SRRM1: variants seen among roughly 807,000 people sequenced by gnomAD.
The protein encoded by SRRM1 is serine/arginine repetitive matrix protein 1.
A neutral mutation model predicts 110.2 loss-of-function variants in SRRM1; 19 were observed. The ratio of observed to expected loss-of-function variants is 0.17; its 90% CI spans 0.12 to 0.25. SRRM1 has a LOEUF of 0.25. Among genes scored for constraint, SRRM1 ranks in the 10% least tolerant of loss-of-function variants. The pLI is 1.00. For missense variants in SRRM1, 918 were observed against 1,145.8 expected (o/e 0.80, Z 2.87); for synonymous variants, 443 against 414.9 (o/e 1.07, Z -0.82).
At chr1:24,645,487 C>T (rs991694004) in intron 1 of SRRM1, among the ~76,000 whole-genome samples, 1 of 152,244 alleles carries the variant, frequency 6.6e-6, no homozygotes, top group African/African-American at 2.4e-5. Context: ...GTCTTCTTCA[C>T]TCATTCCAAG....
intron 9 of SRRM1, among the ~76,000 whole-genome samples, chr1:24,658,417 A>G (rs1343017944): frequency 6.6e-6 from 1 of 152,226 alleles, no homozygotes; most frequent in African/African-American, 2.4e-5. Context: ...CTGAGTAATT[A>G]GTGAGAAATT....
chr1:24,667,059 A>C, intron 13 of SRRM1, 134 bp downstream of exon 13: 1 of 596,726 alleles, frequency 1.7e-6, no homozygotes, highest in Non-Finnish European at 3.0e-6. Flanking sequence ...TGAAAACCCA[A>C]TCATCATGCT....
At chr1:24,670,637 A>C (rs1255984183) in intron 15 of SRRM1, among the ~76,000 whole-genome samples, 1 of 152,172 alleles carries the variant, frequency 6.6e-6, no homozygotes, top group Non-Finnish European at 1.5e-5. Flanking sequence ...GATTATAGGC[A>C]CATGCTGCTA....
At position 24,670,296 on chromosome 1, in the gene SRRM1, C is replaced by A. The variant is rs201182764; in HGVS notation, c.2381C>A (p.Pro794Gln). ...GTCAAAAAGGCCAAAAGCCCAACAC[C>A]GAGCCCATCACCGCCAAGAGTATGT... ...VPVKKAKSPT[P>Q]SPSPPRNSDQ... Residue 794 changes from proline (P) to glutamine (Q), a missense_variant, in exon 15 of 17, where the codon CCG (proline) becomes CAG (glutamine). This residue lies in a region of SRRM1 where 357 missense variants were observed against 402.9 expected (regional missense o/e 0.89). Transcript: ENST00000323848. The A allele has an allele frequency of 1.4e-5, 22 of 1,612,386 alleles. No homozygotes were observed. Among genetic ancestry groups the A allele is most frequent in the Admixed American group, 5.0e-5 (3 of 59,538 alleles).
chr1:24,646,293 C>T (rs975377817), intron 2 of SRRM1, among the ~76,000 whole-genome samples: 10 of 152,060 alleles, frequency 6.6e-5, no homozygotes, highest in Admixed American at 2.0e-4. Context: ...TTTGGGAGGC[C>T]GAGGCGGGCA....
intron 1 of SRRM1, among the ~76,000 whole-genome samples, chr1:24,645,150 G>A (rs1007292034): frequency 6.6e-6 from 1 of 152,146 alleles, no homozygotes; most frequent in East Asian, 1.9e-4. Flanking sequence ...TGCAGAGTAG[G>A]TTTCTATACC....
intron 12 of SRRM1, chr1:24,663,234 A>G (rs1338492340): frequency 4.0e-6 from 6 of 1,499,646 alleles, no homozygotes; most frequent in Non-Finnish European, 5.4e-6. Flanking sequence ...GGTTGGTTAG[A>G]CACTACTTTG....
rs776648794 is a variant in SRRM1 at position 24,669,311 on chromosome 1, A to G, written c.1928A>G (p.Gln643Arg). The G allele has an allele frequency of 3.1e-6, 5 of 1,614,058 alleles. No homozygotes were observed. The highest frequency in any genetic ancestry group is 4.2e-6 in the Non-Finnish European group (5 of 1,180,006). ...GTCTCCCATTCTCCACCTCCCAAACAAAGAAGCTCCCCAGTCACCAAGAGA... is the reference window on the plus strand; with the variant it reads ...GTCTCCCATTCTCCACCTCCCAAACGAAGAAGCTCCCCAGTCACCAAGAGA... ...RRVSHSPPPK[Q>R]RSSPVTKRRS... Residue 643 changes from glutamine (Q) to arginine (R), a missense_variant, in exon 14 of 17, where the codon CAA becomes CGA. Transcript: ENST00000323848.
At chr1:24,654,257 T>C in intron 8 of SRRM1, 2 of 1,274,970 alleles carry the variant, frequency 1.6e-6, no homozygotes, top group Non-Finnish European at 2.0e-6. Flanking sequence ...TAAGATTCCC[T>C]TTCAGCCAGT....
At position 24,666,842 on chromosome 1, in the gene SRRM1, A is replaced by C. The variant is rs1437834308; in HGVS notation, c.1656A>C (p.Pro552=). 5 of 1,613,108 alleles carry C rather than the reference A, an allele frequency of 3.1e-6. No individual in the cohort carries two copies. Among genetic ancestry groups the C allele is most frequent in the Admixed American group, 3.3e-5 (2 of 59,810 alleles). The change falls in exon 13 of 17, where the codon CCA becomes CCC. Residue 552 remains proline (P), a synonymous_variant. Transcript: ENST00000323848. ...GTAGACGGAGGAGAAGTCCATCCCC[A>C]CCACCCACCAGAAGGCGACGGTCTC... ...PRGRRRRSPS[P]PPTRRRRSPS...
At chr1:24,654,758 G>A (rs764233905) in intron 8 of SRRM1, 97 bp from the exon 9 acceptor site, 44 of 1,435,632 alleles carry the variant, frequency 3.1e-5, no homozygotes, top group Middle Eastern at 1.8e-4. Flanking sequence ...CTCAAAAGTC[G>A]GATTAAAATA....
intron 9 of SRRM1, among the ~76,000 whole-genome samples, chr1:24,657,564 T>A (rs916413648): frequency 1.3e-5 from 2 of 152,208 alleles, no homozygotes; most frequent in Non-Finnish European, 2.9e-5. Context: ...TTTTCCCTAG[T>A]GGCCACTAAT....
At chr1:24,665,388 C>T (rs1669419437) in intron 12 of SRRM1, among the ~76,000 whole-genome samples, 2 of 150,888 alleles carry the variant, frequency 1.3e-5, no homozygotes, top group Non-Finnish European at 2.9e-5. Flanking sequence ...GATATCGTGC[C>T]ATTGCACTCC....
intron 5 of SRRM1, 47 bp from the exon 6 acceptor site, chr1:24,651,362 C>T (rs1158306765): frequency 3.3e-6 from 5 of 1,503,794 alleles, no homozygotes; most frequent in African/African-American, 1.4e-5. Context: ...CTCCTCTCTT[C>T]CAATCCATGT....
chr1:24,672,336 A>G lies in SRRM1; in HGVS notation c.*50A>G. 7.6e-7 allele frequency: 1 copy of G among 1,318,294 alleles called. No homozygotes were observed. Among genetic ancestry groups the G allele is most frequent in the Non-Finnish European group, 1.1e-6 (1 of 948,836 alleles). The allele number at this position is 1,318,294 out of a possible 1,614,324, so 81.7% of individuals were successfully genotyped here. On this transcript the variant is annotated 3_prime_UTR_variant, in exon 17 of 17. Transcript: ENST00000323848. ...ATTTTATTTGGTTTGTACGCAGTTC[A>G]ATTTCAAAATTGCTAAAATGTGTTT...
intron 9 of SRRM1, among the ~76,000 whole-genome samples, chr1:24,656,158 T>C (rs979531027): frequency 1.3e-5 from 2 of 152,164 alleles, no homozygotes; most frequent in Non-Finnish European, 2.9e-5. Context: ...TTAATGAGCT[T>C]GATGAGACCA....
chr1:24,669,265 T>C lies in SRRM1; in HGVS notation c.1882T>C (p.Ser628Pro), dbSNP rs550863017. 17 of 1,613,902 alleles carry C rather than the reference T, an allele frequency of 1.1e-5. No homozygotes were observed. The highest frequency in any genetic ancestry group is 3.3e-5 in the Admixed American group (2 of 59,986). Residue 628 changes from serine to proline, a missense_variant, in exon 14 of 17, where the codon TCT (serine) becomes CCT (proline). Transcript: ENST00000323848. ...CCCTCCTAAACGAAGAGCATCACCATCTCCACCACCAAAGCGGCGGGTCTC... is the reference window on the plus strand; with the variant it reads ...CCCTCCTAAACGAAGAGCATCACCACCTCCACCACCAAAGCGGCGGGTCTC... ...PPPPKRRASPSPPPKRRVSHS... is the reference protein window; with the variant it reads ...PPPPKRRASPPPPPKRRVSHS...
In SRRM1 at chr1:24,666,865, C is replaced by T. The variant is rs1670271068; in HGVS notation, c.1679C>T (p.Ser560Phe). The T allele has an allele frequency of 6.2e-7, 1 of 1,612,898 alleles. No homozygotes were observed. Among genetic ancestry groups the T allele is most frequent in the African/African-American group, 1.3e-5 (1 of 74,794 alleles). Residue 560 changes from serine (S) to phenylalanine (F), a missense_variant, in exon 13 of 17, where the codon TCT becomes TTT. By Grantham distance (155) the Ser-to-Phe change is radical. Transcript: ENST00000323848. ...CCACCACCCACCAGAAGGCGACGGT[C>T]TCCTTCTCCCGCCCCTCCTCCTCGA... ...PSPPPTRRRR[S>F]PSPAPPPRRR...
chr1:24,663,750 G>C (rs932102015), intron 12 of SRRM1, among the ~76,000 whole-genome samples: 1 of 151,776 alleles, frequency 6.6e-6, no homozygotes, highest in African/African-American at 2.4e-5. Flanking sequence ...GTTGGCGCGT[G>C]CCTGTAATCC....
Sources: gnomAD v4.1 joint callset for allele counts (sites outside exome capture counted in the v4.1 genomes callset) on GRCh38, gnomAD v4.1.1 for gene constraint, gnomAD v4.1.1 regional missense constraint, MANE v1.5 for transcripts, NCBI Gene and HGNC (gene_info 2026-07-23, HGNC 2026-07-21) for gene names.